The following ATP10B variants were observed in gnomAD, a reference collection of about 807,000 sequenced individuals.
ATP10B encodes ATPase phospholipid transporting 10B (putative).
A neutral mutation model predicts 141.2 loss-of-function variants in ATP10B; 122 were observed. The ratio of observed to expected loss-of-function variants is 0.86; its 90% confidence interval spans 0.75 to 1.00. The LOEUF (loss-of-function observed/expected upper bound fraction) is 1.00. ATP10B is among the 50% of genes least tolerant of loss of function. The pLI, the probability that ATP10B is intolerant of heterozygous loss-of-function variation, is 0.00. For synonymous variants in ATP10B, 685 were observed against 692.0 expected (o/e 0.99, Z 0.16); for missense variants, 1,876 against 1,825.3 (o/e 1.03, Z -0.51).
chr5:160,617,136 A>G (rs1024432613), intron 16 of ATP10B, among the ~76,000 whole-genome samples: 1 of 152,192 alleles, frequency 6.6e-6, no homozygotes, highest in Admixed American at 6.5e-5. Flanking sequence ...ATGCAAGAGA[A>G]CCCATGTCTA....
In ATP10B at chr5:160,670,626, C is replaced by T. The variant is rs180789893; in HGVS notation, c.512G>A (p.Arg171His). 8.7e-4 allele frequency: 1,412 copies of T among 1,613,782 alleles called. 8 individuals carry two copies. The African/African-American group carries it at 0.016, about 19-fold the overall frequency. Residue 171 changes from arginine to histidine, a missense_variant, in exon 7 of 26, where the codon CGC (arginine) becomes CAC (histidine). Transcript: ENST00000327245. ...TTTCATTTGGATGAAGTCTCCCACGCGCACATCCTTCCAGCACTTCTGCAC... is the reference window on the plus strand; with the variant it reads ...TTTCATTTGGATGAAGTCTCCCACGTGCACATCCTTCCAGCACTTCTGCAC... ...TYVQKCWKDV[R>H]VGDFIQMKCN...
At chr5:160,900,215 C>T in the ATP10B span, among the ~76,000 whole-genome samples, 1 of 152,132 alleles carries the variant, frequency 6.6e-6, no homozygotes, top group East Asian at 1.9e-4. Flanking sequence ...CATCCCTACC[C>T]CTTTGATCTT....
At chr5:160,630,697 TAAAA>T (rs72092006) in intron 13 of ATP10B, among the ~76,000 whole-genome samples, 1 of 152,026 alleles carries the variant, frequency 6.6e-6, no homozygotes, top group Admixed American at 6.6e-5. Flanking sequence ...TTTGGGAAAA[TAAAA>T]AAAACCATGA....
chr5:160,602,884 C>T (rs770587864), intron 20 of ATP10B, 182 bp from the exon 21 acceptor site: 2 of 652,884 alleles, frequency 3.1e-6, no homozygotes, highest in East Asian at 3.2e-5. Context: ...CTGGGAAATC[C>T]AAACCTCTCT....
In ATP10B at chr5:160,644,140, G is replaced by C; in HGVS notation, c.866C>G (p.Ala289Gly). The C allele has an allele frequency of 6.2e-7, 1 of 1,612,758 alleles. No homozygotes were observed. Among genetic ancestry groups the C allele is most frequent in the African/African-American group, 1.3e-5 (1 of 75,008 alleles). The change falls in exon 9 of 26, where the codon GCA becomes GGA. Residue 289 changes from alanine (A) to glycine (G), a missense_variant and splice_region_variant. Transcript: ENST00000327245. ...TEMAVGIVIY[A>G]GHETKAMLNN... The stretch of plus-strand genomic sequence containing the variant: ...AAAGAAACTACCCAGACAATGACCT[G>C]CATAGATGACAATGCCAACAGCCAT...
chr5:160,576,690 G>A (rs1382517127), intron 24 of ATP10B, among the ~76,000 whole-genome samples: 1 of 152,210 alleles, frequency 6.6e-6, no homozygotes, highest in Non-Finnish European at 1.5e-5. Context: ...GAGAGCCAGA[G>A]GAAATGGGAG....
At chr5:160,907,144 A>G in the ATP10B span, among the ~76,000 whole-genome samples, 2 of 152,168 alleles carry the variant, frequency 1.3e-5, no homozygotes, top group Non-Finnish European at 2.9e-5. Context: ...AATTCCTGCC[A>G]TGGAGCCTTA....
At chr5:160,798,146 G>A (rs1432326780) in intron 1 of ATP10B, among the ~76,000 whole-genome samples, 1 of 152,070 alleles carries the variant, frequency 6.6e-6, no homozygotes, top group African/African-American at 2.4e-5. Flanking sequence ...TCTAGACAGA[G>A]AGGACTTGGA....
chr5:160,855,916 T>C (rs187065840), upstream of ATP10B, among the ~76,000 whole-genome samples: 113 of 151,978 alleles, frequency 7.4e-4, 1 homozygote, highest in South Asian at 0.018. Context: ...TGTGTGGATC[T>C]ATTTCTGGAT....
At chr5:160,664,788 A>C (rs1762219744) in intron 7 of ATP10B, among the ~76,000 whole-genome samples, 1 of 152,234 alleles carries the variant, frequency 6.6e-6, no homozygotes. Context: ...TGATTTGGAA[A>C]ATAGATAGCC....
chr5:160,630,451 A>T (rs1758859536), intron 13 of ATP10B, among the ~76,000 whole-genome samples: 1 of 152,206 alleles, frequency 6.6e-6, no homozygotes. Context: ...TGAGATCCAC[A>T]AAGGAAAGCT....
intron 1 of ATP10B, among the ~76,000 whole-genome samples, chr5:160,792,765 C>G (rs750142202): frequency 1.1e-4 from 16 of 152,202 alleles, no homozygotes; most frequent in Non-Finnish European, 1.8e-4. Flanking sequence ...TAGCAGTTTA[C>G]CTGTGCCTCA....
intron 19 of ATP10B, 74 bp downstream of exon 19, chr5:160,606,691 C>T: frequency 6.8e-7 from 1 of 1,470,546 alleles, no homozygotes; most frequent in Non-Finnish European, 9.3e-7. Context: ...GAGACCTGAC[C>T]TCCCACCTCT....
At chr5:160,613,639 T>C (rs1374693864) in intron 17 of ATP10B, among the ~76,000 whole-genome samples, 1 of 152,140 alleles carries the variant, frequency 6.6e-6, no homozygotes, top group African/African-American at 2.4e-5. Flanking sequence ...GCAATAGGAA[T>C]AGAAGTGGAA....
At chr5:160,579,965 G>A (rs1755440449) in intron 24 of ATP10B, among the ~76,000 whole-genome samples, 1 of 152,126 alleles carries the variant, frequency 6.6e-6, no homozygotes, top group Non-Finnish European at 1.5e-5. Context: ...TTGGCTGTTT[G>A]TCTATTATTG....
At chr5:160,593,770 G>T (rs1435077326) in intron 22 of ATP10B, among the ~76,000 whole-genome samples, 1 of 152,216 alleles carries the variant, frequency 6.6e-6, no homozygotes, top group African/African-American at 2.4e-5. Flanking sequence ...GAATGCAGAA[G>T]CCTCAGGAGC....
chr5:160,842,808 C>CCACA lies in ATP10B; in HGVS notation c.-576+9129_-576+9132dup, dbSNP rs140556592. Among the ~76,000 whole-genome samples the CCACA allele has an allele frequency of 1.1e-3, 165 of 150,290 alleles. No individual in the cohort carries two copies. In the South Asian group the frequency reaches 0.019, roughly 17 times the overall value. On this transcript the variant is annotated intron_variant, in intron 1 of 25. Transcript: ENST00000327245. ...ATTGAATTCATTATTTAAAACATTC[C>CCACA]CACACACACACACACACAAAAATCA...
intron 3 of ATP10B, among the ~76,000 whole-genome samples, chr5:160,707,095 C>A (rs549815279): frequency 6.6e-6 from 1 of 152,082 alleles, no homozygotes; most frequent in Non-Finnish European, 1.5e-5. Flanking sequence ...GGATTACAGG[C>A]GCCTGCCACC....
rs1412080777 is a variant in ATP10B, at chr5:160,603,959, C to T, written c.3237+6G>A. Reference sequence around the variant, plus strand: ...AAGAAAGAAGAATAGTTGCAGAGAACAATACCTGCATGCCTTCCTGTCCAG... The same window carrying T: ...AAGAAAGAAGAATAGTTGCAGAGAATAATACCTGCATGCCTTCCTGTCCAG... On this transcript the variant is annotated splice_donor_region_variant and intron_variant, in intron 20 of 25. Coordinates refer to ENST00000327245, the MANE Select transcript of ATP10B (RefSeq NM_025153.3). 6.2e-7 allele frequency: 1 copy of T among 1,609,140 alleles called. No individual in the cohort carries two copies. Among genetic ancestry groups the T allele is most frequent in the Non-Finnish European group, 8.5e-7 (1 of 1,175,674 alleles).
Sources: gnomAD v4.1 joint callset for allele counts (sites outside exome capture counted in the v4.1 genomes callset) on GRCh38, gnomAD v4.1.1 for gene constraint, MANE v1.5 for transcripts, NCBI Gene and HGNC (gene_info 2026-07-23, HGNC 2026-07-21) for gene names.